ZFP42: variants seen among roughly 807,000 people sequenced by gnomAD.
The protein encoded by ZFP42 is zinc finger protein 42 homolog.
For synonymous variants in ZFP42, 175 were observed against 144.6 expected (o/e 1.21, Z -1.51); for missense variants, 438 against 377.1 (o/e 1.16, Z -1.34).
rs746232139 is a variant in ZFP42 at position 188,003,710 on chromosome 4, TACGAACAAGA to T, written c.905_914del (p.Thr302MetfsTer12). The T allele has an allele frequency of 5.0e-6, 8 of 1,612,644 alleles. No homozygotes were observed. In the Admixed American group the frequency reaches 6.7e-5, roughly 13 times the overall value. On this transcript the variant is annotated frameshift_variant, in exon 4 of 4. Coordinates refer to ENST00000326866, the MANE Select transcript of ZFP42 (RefSeq NM_174900.5). LOFTEE classifies it low-confidence loss of function (END_TRUNC). ...AAGCCCACATCCTAACGCATGCAAATACGAACAAGAATGAACAAGAGGGAAAGTAGTCCTC... is the reference window on the plus strand; with the variant it reads ...AAGCCCACATCCTAACGCATGCAAATATGAACAAGAGGGAAAGTAGTCCTC...
Position 187,999,089 on chromosome 4 carries a change from T to C in ZFP42, c.-338-19T>C, listed in dbSNP as rs185583956. Reference sequence around the variant, plus strand: ...ACACCTCTCTTAGGAGATGCCTTTCTTTTTTTTCTGTCACCCAGGTTGGAG... The same window carrying C: ...ACACCTCTCTTAGGAGATGCCTTTCCTTTTTTTCTGTCACCCAGGTTGGAG... On this transcript the variant is annotated intron_variant, in intron 1 of 3. Transcript: ENST00000326866. 2.0e-5 allele frequency: 3 copies of C among 152,112 alleles called. No individual in the cohort carries two copies. Among genetic ancestry groups the C allele is most frequent in the Non-Finnish European group, 4.4e-5 (3 of 67,998 alleles). The allele number at this position is 152,112 out of a possible 1,614,324, so 9.4% of individuals were successfully genotyped here.
At position 188,003,178 on chromosome 4, in the gene ZFP42, A is replaced by T. The variant is rs548207105; in HGVS notation, c.371A>T (p.Lys124Ile). The T allele has an allele frequency of 1.2e-6, 2 of 1,614,006 alleles. No individual in the cohort carries two copies. The highest frequency in any genetic ancestry group is 2.2e-5 in the South Asian group (2 of 91,076). Residue 124 changes from lysine (K) to isoleucine (I), a missense_variant, in exon 4 of 4, where the codon AAA becomes ATA. Physicochemically the swap from Lys to Ile is moderately radical, Grantham distance 102. Transcript: ENST00000326866. Reference sequence around the variant, plus strand: ...CTTGAATGTTCTTTGGAATACATGAAAAAAGGGGTAAAGAAAGAGCTTCCA... The same window carrying T: ...CTTGAATGTTCTTTGGAATACATGATAAAAGGGGTAAAGAAAGAGCTTCCA... ...SSLECSLEYM[K>I]KGVKKELPQK...
Position 188,004,003 on chromosome 4 carries a change from A to C in ZFP42, c.*263A>C, listed in dbSNP as rs1175644622. 8.7e-6 allele frequency: 3 copies of C among 343,804 alleles called. No homozygotes were observed. The highest frequency in any genetic ancestry group is 1.1e-4 in the East Asian group (2 of 19,044). The allele number at this position is 343,804 out of a possible 1,614,324, so 21.3% of individuals were successfully genotyped here. A position where few individuals can be genotyped will look rare whatever the true frequency, so the allele number is the denominator to read the frequency against. On this transcript the variant is annotated 3_prime_UTR_variant, in exon 4 of 4. Coordinates refer to ENST00000326866, the MANE Select transcript of ZFP42 (RefSeq NM_174900.5). The stretch of plus-strand genomic sequence containing the variant: ...TGTGTTCTTAAAGTGTGCTTCCAAC[A>C]GGAAGGTCAGTGATAAATTTTCAAA...
rs71595201 is a variant in ZFP42 at position 187,997,228 on chromosome 4, C to CTT, written c.-339+1409_-339+1410dup. Reference sequence around the variant, plus strand: ...CCTCGGTTACTTCCCCTCTCATATTCTTTTTTTTTTTTTTTTTTTTTTGAG... The same window carrying CTT: ...CCTCGGTTACTTCCCCTCTCATATTCTTTTTTTTTTTTTTTTTTTTTTTTGAG... On this transcript the variant is annotated intron_variant, in intron 1 of 3. Transcript: ENST00000326866. Among the ~76,000 whole-genome samples, 136 of 60,002 alleles carry CTT rather than the reference C, an allele frequency of 2.3e-3. 9 individuals are homozygous for CTT. The highest frequency in any genetic ancestry group is 2.8e-3 in the Non-Finnish European group (100 of 36,344). The allele number at this position is 60,002 out of a possible 152,430, so 39.4% of individuals were successfully genotyped here. A position where few individuals can be genotyped will look rare whatever the true frequency, so the allele number is the denominator to read the frequency against.
At chr4:188,000,669 CA>C (rs1462546734) in intron 3 of ZFP42, among the ~76,000 whole-genome samples, 2 of 152,176 alleles carry the variant, frequency 1.3e-5, no homozygotes, top group African/African-American at 4.8e-5. Context: ...CCACTGCACC[CA>C]GCCCTAATTT....
chr4:188,003,087 TCCTTGGAATA>T lies in ZFP42; in HGVS notation c.284_293del (p.Leu95Ter), dbSNP rs766207591. ...CCTGGAAGAGGACTCACTTTTTGAGTCCTTGGAATACCTAAAGAAAGGATCAGAACAACAG... is the reference window on the plus strand; with the variant it reads ...CCTGGAAGAGGACTCACTTTTTGAGTCCTAAAGAAAGGATCAGAACAACAG... On this transcript the variant is annotated frameshift_variant, in exon 4 of 4. Coordinates refer to ENST00000326866, the MANE Select transcript of ZFP42 (RefSeq NM_174900.5). LOFTEE classifies it low-confidence loss of function (END_TRUNC). 6.2e-7 allele frequency: 1 copy of T among 1,614,032 alleles called. No homozygotes were observed. Among genetic ancestry groups the T allele is most frequent in the Non-Finnish European group, 8.5e-7 (1 of 1,180,014 alleles).
chr4:187,997,002 G>A (rs1733605972), intron 1 of ZFP42, among the ~76,000 whole-genome samples: 1 of 18,312 alleles, frequency 5.5e-5, no homozygotes, highest in Non-Finnish European at 9.4e-5. Context: ...CATGGAGCAT[G>A]GAGCGTGGAG....
rs190833998 is a variant in ZFP42 at position 187,996,918 on chromosome 4, C to T, written c.-339+1078C>T. 3.3e-3 allele frequency among the ~76,000 whole-genome samples: 507 copies of T among 152,104 alleles called. 3 individuals are homozygous for T. Among genetic ancestry groups the T allele is most frequent in the African/African-American group, 0.012 (487 of 41,472 alleles). ...ACCTGGGATGAAATGCAAATGGTCC[C>T]GGGGCTCACCGTCAGCCCCGCGCCT... On this transcript the variant is annotated intron_variant, in intron 1 of 3. Coordinates refer to ENST00000326866, the MANE Select transcript of ZFP42 (RefSeq NM_174900.5).
At chr4:188,005,106 T>C (rs952052251), downstream of ZFP42, 4 of 167,048 alleles carry the variant, frequency 2.4e-5, no homozygotes, top group African/African-American at 9.6e-5. Context: ...AGATACCATT[T>C]ATTTGTTCTT....
At position 188,004,929 on chromosome 4, in the gene ZFP42, T is replaced by C. The variant is rs1247512779; in HGVS notation, c.*1189T>C. On this transcript the variant is annotated 3_prime_UTR_variant, in exon 4 of 4. Coordinates refer to ENST00000326866, the MANE Select transcript of ZFP42 (RefSeq NM_174900.5). ...CTGTATTTCATTGTGATTTTTGTTTTCTTTTTATCATTGTATCAAACTATA... is the reference window on the plus strand; with the variant it reads ...CTGTATTTCATTGTGATTTTTGTTTCCTTTTTATCATTGTATCAAACTATA... 1 of 167,172 alleles carries C rather than the reference T, an allele frequency of 6.0e-6. No homozygotes were observed. The highest frequency in any genetic ancestry group is 1.5e-5 in the Non-Finnish European group (1 of 68,138). 10.4% of individuals were successfully genotyped at this position (167,172 alleles called of 1,614,324 possible). A position where few individuals can be genotyped will look rare whatever the true frequency, so the allele number is the denominator to read the frequency against.
intron 1 of ZFP42, among the ~76,000 whole-genome samples, chr4:187,998,559 T>C (rs77162186): frequency 0.014 from 2,154 of 152,302 alleles, 48 homozygotes; most frequent in African/African-American, 0.048. Context: ...AGCTCCATTA[T>C]GGGAATGTGC....
chr4:188,003,736 A>C lies in ZFP42; in HGVS notation c.929A>C (p.Lys310Thr). Residue 310 changes from lysine to threonine, a missense_variant, in exon 4 of 4, where the codon AAG becomes ACG. Coordinates refer to ENST00000326866, the MANE Select transcript of ZFP42 (RefSeq NM_174900.5). ...ANTNKNEQEG[K>T] Reference sequence around the variant, plus strand: ...ACGAACAAGAATGAACAAGAGGGAAAGTAGTCCTCCAACAGGATGAAGCAG... The same window carrying C: ...ACGAACAAGAATGAACAAGAGGGAACGTAGTCCTCCAACAGGATGAAGCAG... The C allele has an allele frequency of 6.2e-7, 1 of 1,606,756 alleles. No homozygotes were observed. Among genetic ancestry groups the C allele is most frequent in the Non-Finnish European group, 8.5e-7 (1 of 1,174,290 alleles).
At position 188,003,459 on chromosome 4, in the gene ZFP42, G is replaced by A. The variant is rs1405742293; in HGVS notation, c.652G>A (p.Val218Ile). The A allele has an allele frequency of 6.2e-7, 1 of 1,614,116 alleles. No homozygotes were observed. The highest frequency in any genetic ancestry group is 8.5e-7 in the Non-Finnish European group (1 of 1,180,024). The change falls in exon 4 of 4, where the codon GTC (valine) becomes ATC (isoleucine). Residue 218 changes from valine (V) to isoleucine (I), a missense_variant. By Grantham distance (29) the Val-to-Ile change is conservative. Transcript: ENST00000326866. ...HLLIHGPRDH[V>I]CAECGKAFVE... ...CCTCATTCATGGTCCCCGAGACCACGTCTGTGCGGAATGTGGGAAAGCGTT... is the reference window on the plus strand; with the variant it reads ...CCTCATTCATGGTCCCCGAGACCACATCTGTGCGGAATGTGGGAAAGCGTT...
Position 188,003,447 on chromosome 4 carries a change from C to T in ZFP42, c.640C>T (p.Pro214Ser), listed in dbSNP as rs61748605. Residue 214 changes from proline (P) to serine (S), a missense_variant, in exon 4 of 4, where the codon CCC becomes TCC. By Grantham distance (74) the Pro-to-Ser change is moderately conservative (BLOSUM62 -1). Transcript: ENST00000326866. Reference sequence around the variant, plus strand: ...GAGAAAGCATCTCCTCATTCATGGTCCCCGAGACCACGTCTGTGCGGAATG... The same window carrying T: ...GAGAAAGCATCTCCTCATTCATGGTTCCCGAGACCACGTCTGTGCGGAATG... ...ALRKHLLIHG[P>S]RDHVCAECGK... 5.9e-5 allele frequency: 96 copies of T among 1,613,912 alleles called. No individual in the cohort carries two copies. The highest frequency in any genetic ancestry group is 2.5e-4 in the Admixed American group (15 of 59,984).
At chr4:188,001,584 C>G (rs1017089276) in intron 3 of ZFP42, among the ~76,000 whole-genome samples, 1 of 152,174 alleles carries the variant, frequency 6.6e-6, no homozygotes. Context: ...CACAGCCACC[C>G]TCATTCCTTT....
chr4:188,002,149 C>G (rs1733849410), intron 3 of ZFP42, among the ~76,000 whole-genome samples: 1 of 152,154 alleles, frequency 6.6e-6, no homozygotes, highest in Non-Finnish European at 1.5e-5. Flanking sequence ...TGCACTCCAG[C>G]CTGGGCGACA....
chr4:188,002,736 C>G lies in ZFP42; in HGVS notation c.-72C>G, dbSNP rs1220209342. ...AGGTGTTTGCTGAAGACAGCTTACT[C>G]AGATCACTACTGCCTGGAGGTGGTT... On this transcript the variant is annotated 5_prime_UTR_variant, in exon 4 of 4. Coordinates refer to ENST00000326866, the MANE Select transcript of ZFP42 (RefSeq NM_174900.5). 6.8e-5 allele frequency: 88 copies of G among 1,302,508 alleles called. 1 individual carries two copies. Among genetic ancestry groups the G allele is most frequent in the Admixed American group, 5.0e-4 (24 of 47,668 alleles). 80.7% of individuals were successfully genotyped at this position (1,302,508 alleles called of 1,614,324 possible). A position where few individuals can be genotyped will look rare whatever the true frequency, so the allele number is the denominator to read the frequency against.
chr4:188,003,794 CTCAT>C lies in ZFP42; in HGVS notation c.*56_*59del. The C allele has an allele frequency of 6.7e-7, 1 of 1,489,918 alleles. No individual in the cohort carries two copies. Among genetic ancestry groups the C allele is most frequent in the Non-Finnish European group, 9.1e-7 (1 of 1,104,340 alleles). 92.3% of individuals were successfully genotyped at this position (1,489,918 alleles called of 1,614,324 possible). A position where few individuals can be genotyped will look rare whatever the true frequency, so the allele number is the denominator to read the frequency against. On this transcript the variant is annotated 3_prime_UTR_variant, in exon 4 of 4. Coordinates refer to ENST00000326866, the MANE Select transcript of ZFP42 (RefSeq NM_174900.5). ...GAAGAGTGATCAGTGACAAACATGC[CTCAT>C]TGATTATTGTTTCTAGGAAGGAATT...
chr4:188,003,029 A>G lies in ZFP42; in HGVS notation c.222A>G (p.Glu74=). ...GGDDFSDCYI[E]CVIRGEFSQP... ...ATGATTTCTCAGACTGTTACATAGA[A>G]TGCGTCATAAGGGGTGAGTTTTCTC... Residue 74 remains glutamate, a synonymous_variant, in exon 4 of 4, where the codon GAA becomes GAG. Coordinates refer to ENST00000326866, the MANE Select transcript of ZFP42 (RefSeq NM_174900.5). The G allele has an allele frequency of 6.2e-7, 1 of 1,614,148 alleles. No homozygotes were observed. The highest frequency in any genetic ancestry group is 8.5e-7 in the Non-Finnish European group (1 of 1,180,002).
Sources: allele counts gnomAD v4.1 joint callset (sites outside exome capture counted in the v4.1 genomes callset), GRCh38; gene constraint gnomAD v4.1.1; transcripts MANE v1.5; gene names NCBI Gene and HGNC (gene_info 2026-07-23, HGNC 2026-07-21).